Variants in ZNF112 observed in about 807,000 individuals in gnomAD.
ZNF112 encodes zinc finger protein 112 (Y14).
ZNF112 carries 37 observed loss-of-function variants against 77.7 expected under a neutral mutation model. The observed-to-expected ratio is 0.48, with a 90% CI of 0.37 to 0.63. The LOEUF is 0.63. Among genes scored for constraint, ZNF112 ranks in the 20% least tolerant of loss-of-function variants. The probability of loss-of-function intolerance (pLI) is 0.00; values close to 1 mark genes in which losing one functional copy is unlikely to be tolerated. For synonymous variants in ZNF112, 333 were observed against 363.6 expected, an observed-to-expected ratio of 0.92 and a Z score of 0.96; for missense variants, 950 against 1,077.4, an observed-to-expected ratio of 0.88 and a Z score of 1.66.
intron 2 of ZNF112, among the ~76,000 whole-genome samples, chr19:44,338,432 T>C (rs2123169531): frequency 6.6e-6 from 1 of 152,236 alleles, no homozygotes; most frequent in South Asian, 2.1e-4. Context: ...AATTATATAG[T>C]GGGGAAACTG....
chr19:44,353,139 A>G (rs1234164781), intron 1 of ZNF112, among the ~76,000 whole-genome samples: 4 of 152,166 alleles, frequency 2.6e-5, no homozygotes, highest in Non-Finnish European at 4.4e-5. Context: ...ATACACACAT[A>G]GATCAATTTA....
At chr19:44,349,488 C>T (rs1037812930) in intron 1 of ZNF112, among the ~76,000 whole-genome samples, 1 of 151,994 alleles carries the variant, frequency 6.6e-6, no homozygotes, top group Non-Finnish European at 1.5e-5. Flanking sequence ...GCAGTGACAA[C>T]GTATCTATGC....
intron 1 of ZNF112, among the ~76,000 whole-genome samples, chr19:44,353,636 A>G (rs1340676640): frequency 1.3e-5 from 2 of 152,120 alleles, no homozygotes; most frequent in Admixed American, 1.3e-4. Flanking sequence ...AAACAATAAC[A>G]AAAAAAGAAA....
chr19:44,348,177 T>C (rs376775107), intron 1 of ZNF112, among the ~76,000 whole-genome samples: 1 of 152,108 alleles, frequency 6.6e-6, no homozygotes, highest in African/African-American at 2.4e-5. Flanking sequence ...AGAAGTGATT[T>C]TCTCTGAGTT....
At chr19:44,356,033 C>T (rs528309523) in intron 1 of ZNF112, among the ~76,000 whole-genome samples, 1 of 152,092 alleles carries the variant, frequency 6.6e-6, no homozygotes, top group Non-Finnish European at 1.5e-5. Context: ...AATGGACTAC[C>T]CAGACAGCCA....
At chr19:44,336,901 C>G (rs980462979) in intron 2 of ZNF112, among the ~76,000 whole-genome samples, 183 bp from the exon 3 acceptor site, 1 of 150,132 alleles carries the variant, frequency 6.7e-6, no homozygotes, top group Non-Finnish European at 1.5e-5. Context: ...TAAATAGGCT[C>G]TCACTTTTCT....
chr19:44,359,922 T>C (rs1970838134), upstream of ZNF112, among the ~76,000 whole-genome samples: 1 of 152,106 alleles, frequency 6.6e-6, no homozygotes, highest in Non-Finnish European at 1.5e-5. Context: ...GCCACTGTAA[T>C]AACACTGACA....
At chr19:44,353,019 G>A (rs550126956) in intron 1 of ZNF112, among the ~76,000 whole-genome samples, 3 of 152,160 alleles carry the variant, frequency 2.0e-5, no homozygotes, top group African/African-American at 7.2e-5. Flanking sequence ...AACCAGAATA[G>A]CTAAAAGCAA....
chr19:44,345,394 T>C (rs1011864804), intron 1 of ZNF112, among the ~76,000 whole-genome samples: 3 of 152,200 alleles, frequency 2.0e-5, no homozygotes, highest in African/African-American at 4.8e-5. Context: ...AATGATGTTC[T>C]TGGAGCTGTC....
intron 1 of ZNF112, among the ~76,000 whole-genome samples, chr19:44,363,706 T>C (rs894162530): frequency 1.3e-5 from 2 of 152,230 alleles, no homozygotes; most frequent in African/African-American, 4.8e-5. Context: ...TTTTTATGAA[T>C]AAAGATCCTG....
upstream of ZNF112, among the ~76,000 whole-genome samples, chr19:44,358,065 T>G (rs1254730129): frequency 1.3e-5 from 2 of 148,280 alleles, no homozygotes; most frequent in South Asian, 2.2e-4. Flanking sequence ...GGCAGGAGAA[T>G]GGCGTGAACC....
Position 44,327,392 on chromosome 19 carries a change from A to T in ZNF112, c.*41T>A. 1 of 1,490,286 alleles carries T rather than the reference A, an allele frequency of 6.7e-7. No individual in the cohort carries two copies. Among genetic ancestry groups the T allele is most frequent in the African/African-American group, 1.4e-5 (1 of 70,874 alleles). The allele number at this position is 1,490,286 out of a possible 1,614,324, so 92.3% of individuals were successfully genotyped here. On this transcript the variant is annotated 3_prime_UTR_variant, in exon 4 of 4. Coordinates refer to ENST00000354340, the MANE Select transcript of ZNF112 (RefSeq NM_013380.4). ...TTAAAAATTCTTTTTCTACTGAAAG[A>T]ACTCTAGTGACTGGAAAATTTCAGC... is the stretch of plus-strand genomic sequence containing the variant.
intron 3 of ZNF112, among the ~76,000 whole-genome samples, chr19:44,336,217 A>G (rs764714249): frequency 2.0e-5 from 3 of 152,242 alleles, no homozygotes; most frequent in Non-Finnish European, 4.4e-5. Context: ...ACAGTATTCT[A>G]GAATACCCTT....
chr19:44,345,591 A>G (rs1970573892), intron 1 of ZNF112, among the ~76,000 whole-genome samples: 1 of 152,252 alleles, frequency 6.6e-6, no homozygotes, highest in Non-Finnish European at 1.5e-5. Context: ...CACAGTGGTC[A>G]TCCTATAGAC....
chr19:44,327,743 C>A lies in ZNF112; in HGVS notation c.2414G>T (p.Gly805Val). ...EGRPYKCEQC[G>V]KGFSGYSSLQ... Reference sequence around the variant, plus strand: ...ACTTGAATACCCACTGAAACCCTTACCACACTGTTCACATTTATAGGGTCT... The same window carrying A: ...ACTTGAATACCCACTGAAACCCTTAACACACTGTTCACATTTATAGGGTCT... The change falls in exon 4 of 4, where the codon GGT becomes GTT. Residue 805 changes from glycine (G) to valine (V), a missense_variant. Transcript: ENST00000354340. The A allele has an allele frequency of 6.2e-7, 1 of 1,613,920 alleles. No homozygotes were observed. Among genetic ancestry groups the A allele is most frequent in the Middle Eastern group, 1.6e-4 (1 of 6,062 alleles).
intron 1 of ZNF112, among the ~76,000 whole-genome samples, chr19:44,364,094 G>A (rs1485707873): frequency 6.6e-6 from 1 of 152,082 alleles, no homozygotes; most frequent in Non-Finnish European, 1.5e-5. Flanking sequence ...ATTTTTAGTA[G>A]AGACAGGGTT....
chr19:44,353,630 A>C (rs1275825702), intron 1 of ZNF112, among the ~76,000 whole-genome samples: 1 of 152,130 alleles, frequency 6.6e-6, no homozygotes, highest in Non-Finnish European at 1.5e-5. Flanking sequence ...GCAAAGAAAC[A>C]ATAACAAAAA....
intron 1 of ZNF112, among the ~76,000 whole-genome samples, chr19:44,355,520 G>A (rs1055263167): frequency 6.6e-6 from 1 of 152,142 alleles, no homozygotes; most frequent in Non-Finnish European, 1.5e-5. Context: ...TTCTGAAGCT[G>A]ATACTAAACA....
chr19:44,340,589 T>C (rs776922295), intron 1 of ZNF112, 47 bp from the exon 2 acceptor site: 2 of 1,612,834 alleles, frequency 1.2e-6, no homozygotes, highest in Non-Finnish European at 1.7e-6. Context: ...AGAAGGGCAG[T>C]GCTGAGAAGG....
Sources: allele counts gnomAD v4.1 joint callset (sites outside exome capture counted in the v4.1 genomes callset), GRCh38; gene constraint gnomAD v4.1.1; transcripts MANE v1.5; gene names NCBI Gene and HGNC (gene_info 2026-07-23, HGNC 2026-07-21).